Variants in DRC8 observed in about 807,000 individuals in gnomAD.
The protein encoded by DRC8 is dynein regulatory complex subunit 8.
At chr1:245,027,728 G>A in the DRC8 span, among the ~76,000 whole-genome samples, 1 of 152,268 alleles carries the variant, frequency 6.6e-6, no homozygotes, top group Admixed American at 6.5e-5. Flanking sequence ...TGACAAGGTA[G>A]AATGTTCATA....
chr1:245,104,254 A>T, the DRC8 span, among the ~76,000 whole-genome samples: 1 of 152,252 alleles, frequency 6.6e-6, no homozygotes, highest in Admixed American at 6.5e-5. Context: ...CTGTAATCCC[A>T]GCACCTTGGG....
At chr1:245,004,835 GT>G in the DRC8 span, among the ~76,000 whole-genome samples, 1 of 152,126 alleles carries the variant, frequency 6.6e-6, no homozygotes, top group African/African-American at 2.4e-5. Context: ...TCTATTCCTA[GT>G]TTTCTTTTAA....
chr1:245,117,978 A>G, the DRC8 span, among the ~76,000 whole-genome samples: 3 of 152,078 alleles, frequency 2.0e-5, no homozygotes, highest in Non-Finnish European at 2.9e-5. Context: ...CAATAAATAA[A>G]TAAATACGCT....
At chr1:245,014,796 T>C in the DRC8 span, among the ~76,000 whole-genome samples, 1 of 152,184 alleles carries the variant, frequency 6.6e-6, no homozygotes, top group Non-Finnish European at 1.5e-5. Context: ...GGTTTCTTTT[T>C]TTCTCTACGG....
the DRC8 span, among the ~76,000 whole-genome samples, chr1:245,020,795 T>A: frequency 2.2e-5 from 3 of 137,572 alleles, no homozygotes; most frequent in South Asian, 7.1e-4. Context: ...AATTTTCGTA[T>A]TTTTTTTTTT....
chr1:245,075,975 T>G, the DRC8 span, among the ~76,000 whole-genome samples: 1 of 152,332 alleles, frequency 6.6e-6, no homozygotes, highest in South Asian at 2.1e-4. Context: ...CCACATAGCC[T>G]GCCCTCTAGA....
the DRC8 span, among the ~76,000 whole-genome samples, chr1:245,100,430 T>C: frequency 1.2e-4 from 17 of 147,466 alleles, no homozygotes; most frequent in East Asian, 3.1e-3. Flanking sequence ...AATGTTATCA[T>C]ATATCCAGTG....
At chr1:245,073,494 G>A in the DRC8 span, among the ~76,000 whole-genome samples, 1 of 152,190 alleles carries the variant, frequency 6.6e-6, no homozygotes, top group African/African-American at 2.4e-5. Flanking sequence ...TGTAGGGGAG[G>A]CTGAGGATGG....
the DRC8 span, among the ~76,000 whole-genome samples, chr1:245,075,986 C>T: frequency 6.6e-6 from 1 of 152,198 alleles, no homozygotes; most frequent in Non-Finnish European, 1.5e-5. Flanking sequence ...GCCCTCTAGA[C>T]ATGGGGCGAG....
At chr1:245,037,980 T>C in the DRC8 span, among the ~76,000 whole-genome samples, 389 of 152,080 alleles carry the variant, frequency 2.6e-3, 2 homozygotes, top group African/African-American at 8.9e-3. Flanking sequence ...TATATAAAAA[T>C]AGATGAACAA....
chr1:244,992,225 T>C, the DRC8 span, among the ~76,000 whole-genome samples: 777 of 152,282 alleles, frequency 5.1e-3, 4 homozygotes, highest in African/African-American at 0.017. Flanking sequence ...AAAGCTAAAT[T>C]GGGCCACATT....
At chr1:245,002,141 T>A in the DRC8 span, 1 of 1,598,434 alleles carries the variant, frequency 6.3e-7, no homozygotes, top group Non-Finnish European at 8.5e-7. Context: ...ACAACAGTGA[T>A]GAGATAAGGC....
the DRC8 span, among the ~76,000 whole-genome samples, chr1:245,050,038 G>A: frequency 2.0e-5 from 3 of 152,168 alleles, no homozygotes; most frequent in Admixed American, 6.5e-5. Flanking sequence ...TGGATTCTGC[G>A]AAGACGAACC....
chr1:245,124,968 A>T, the DRC8 span: 1 of 151,980 alleles, frequency 6.6e-6, no homozygotes, highest in African/African-American at 2.4e-5. Context: ...CTCTGCTACA[A>T]CCCTATGCCT....
chr1:244,995,870 C>T, the DRC8 span, among the ~76,000 whole-genome samples: 2 of 152,228 alleles, frequency 1.3e-5, no homozygotes, highest in South Asian at 2.1e-4. Flanking sequence ...CTAGAGCCTA[C>T]GGAAGGGCCA....
At chr1:245,096,347 G>A in the DRC8 span, among the ~76,000 whole-genome samples, 1 of 152,244 alleles carries the variant, frequency 6.6e-6, no homozygotes. Flanking sequence ...CAACACAGGC[G>A]GGACGAGGGG....
At chr1:245,078,169 G>T in the DRC8 span, among the ~76,000 whole-genome samples, 1 of 152,126 alleles carries the variant, frequency 6.6e-6, no homozygotes, top group African/African-American at 2.4e-5. Context: ...CTATTGTAAT[G>T]GCTACTATCA....
the DRC8 span, among the ~76,000 whole-genome samples, chr1:245,052,569 C>T: frequency 6.6e-6 from 1 of 152,228 alleles, no homozygotes; most frequent in African/African-American, 2.4e-5. Flanking sequence ...GTAGAAGATG[C>T]ATGCCATGCC....
At chr1:245,071,936 C>T in the DRC8 span, among the ~76,000 whole-genome samples, 1 of 152,110 alleles carries the variant, frequency 6.6e-6, no homozygotes, top group African/African-American at 2.4e-5. Flanking sequence ...GGATAAAATC[C>T]AAAGCACCGA....
Sources: gnomAD v4.1 joint callset for allele counts (sites outside exome capture counted in the v4.1 genomes callset) on GRCh38, gnomAD v4.1.1 for gene constraint, MANE v1.5 for transcripts, NCBI Gene and HGNC (gene_info 2026-07-23, HGNC 2026-07-21) for gene names.